STK39: variants seen among roughly 807,000 people sequenced by gnomAD.
STK39 encodes the protein STE20/SPS1-related proline-alanine-rich protein kinase.
STK39 carries 20 observed loss-of-function variants against 77.8 expected under a neutral mutation model. The observed-to-expected ratio is 0.26, with a 90% CI of 0.18 to 0.37. The LOEUF (loss-of-function observed/expected upper bound fraction) is 0.37. Among genes scored for constraint, STK39 ranks in the 10% least tolerant of loss-of-function variants. The pLI is 1.00. For synonymous variants in STK39, 246 were observed against 234.1 expected, an observed-to-expected ratio of 1.05 and a Z score of -0.47; for missense variants, 479 against 656.5, an observed-to-expected ratio of 0.73 and a Z score of 2.95.
chr2:168,113,661 G>T (rs1687178795), intron 10 of STK39, among the ~76,000 whole-genome samples: 1 of 152,152 alleles, frequency 6.6e-6, no homozygotes, highest in Non-Finnish European at 1.5e-5. Flanking sequence ...AAGGAGACAA[G>T]ACACAGAGGC....
chr2:168,154,656 A>G (rs1016342932), intron 5 of STK39, among the ~76,000 whole-genome samples: 1 of 151,940 alleles, frequency 6.6e-6, no homozygotes, highest in African/African-American at 2.4e-5. Context: ...TTCCCTTCAC[A>G]CTTAACACAT....
At chr2:168,023,289 T>C (rs571318578) in intron 14 of STK39, among the ~76,000 whole-genome samples, 118 of 152,118 alleles carry the variant, frequency 7.8e-4, no homozygotes, top group African/African-American at 2.6e-3. Context: ...CTATGTCTAT[T>C]TAACGTGAGA....
At chr2:168,237,054 G>A (rs186874455) in intron 1 of STK39, among the ~76,000 whole-genome samples, 296 of 152,056 alleles carry the variant, frequency 1.9e-3, no homozygotes, top group East Asian at 8.7e-3. Flanking sequence ...CCATTTTCAC[G>A]ATATTGATTC....
chr2:168,105,888 C>T (rs752371999), intron 10 of STK39, among the ~76,000 whole-genome samples: 13 of 152,194 alleles, frequency 8.5e-5, no homozygotes, highest in Non-Finnish European at 1.5e-4. Flanking sequence ...CCTTAAAGAA[C>T]AATGAGGGTT....
At chr2:168,038,169 G>C (rs1029645862) in intron 14 of STK39, among the ~76,000 whole-genome samples, 3 of 152,034 alleles carry the variant, frequency 2.0e-5, no homozygotes, top group Non-Finnish European at 1.5e-5. Context: ...ATGTAAACTT[G>C]GAGAAAGTGC....
At chr2:168,012,612 T>C (rs1270840228) in intron 16 of STK39, 22 bp downstream of exon 16, 2 of 1,607,392 alleles carry the variant, frequency 1.2e-6, no homozygotes, top group African/African-American at 1.3e-5. Flanking sequence ...AAAATGACAG[T>C]GCATACTAAA....
intron 1 of STK39, among the ~76,000 whole-genome samples, chr2:168,199,596 C>T (rs557311916): frequency 1.1e-4 from 16 of 151,222 alleles, no homozygotes; most frequent in Non-Finnish European, 2.4e-4. Context: ...GGCACGATCT[C>T]GGCTCACTGC....
chr2:168,195,651 C>T (rs1450878192), intron 1 of STK39, among the ~76,000 whole-genome samples: 4 of 152,220 alleles, frequency 2.6e-5, no homozygotes, highest in African/African-American at 4.8e-5. Flanking sequence ...CACTTTGTTA[C>T]ATGCCAAAGA....
chr2:168,047,953 A>G (rs1205878925), intron 14 of STK39, among the ~76,000 whole-genome samples: 1 of 152,208 alleles, frequency 6.6e-6, no homozygotes, highest in Admixed American at 6.5e-5. Flanking sequence ...TTGCTTAACT[A>G]CTTACCTCAC....
At chr2:167,986,172 G>C (rs1292578481) in intron 16 of STK39, among the ~76,000 whole-genome samples, 1 of 152,184 alleles carries the variant, frequency 6.6e-6, no homozygotes, top group African/African-American at 2.4e-5. Context: ...CAGGAACACT[G>C]ACTGCCCTTA....
intron 10 of STK39, among the ~76,000 whole-genome samples, chr2:168,091,758 T>A (rs895643179): frequency 6.6e-6 from 1 of 152,200 alleles, no homozygotes; most frequent in Non-Finnish European, 1.5e-5. Flanking sequence ...TTACTCACCT[T>A]CAACATTATC....
chr2:168,180,255 G>C (rs535337139), intron 2 of STK39, among the ~76,000 whole-genome samples: 3 of 152,248 alleles, frequency 2.0e-5, no homozygotes, highest in South Asian at 2.1e-4. Flanking sequence ...GCTAAAGCAG[G>C]AGAATCGCTT....
At chr2:167,980,833 T>A (rs939610898) in intron 16 of STK39, among the ~76,000 whole-genome samples, 6 of 151,992 alleles carry the variant, frequency 3.9e-5, no homozygotes, top group Admixed American at 2.0e-4. Flanking sequence ...CTTCTTTTTT[T>A]AAATCTGTAG....
chr2:168,158,241 T>C lies in STK39; in HGVS notation c.628+3546A>G, dbSNP rs114470942. ...GTTACACACACTGGACCTCTAAGCA[T>C]AGAAGGTACAGTAAGAAGGAAAGCA... On this transcript the variant is annotated intron_variant, in intron 5 of 17. Coordinates refer to ENST00000355999, the MANE Select transcript of STK39 (RefSeq NM_013233.3). Among the ~76,000 whole-genome samples the C allele has an allele frequency of 7.3e-3, 1,114 of 152,274 alleles. 14 individuals are homozygous for C. The highest frequency in any genetic ancestry group is 0.026 in the African/African-American group (1,065 of 41,550).
chr2:168,182,320 C>T (rs1351058898), intron 1 of STK39, among the ~76,000 whole-genome samples: 2 of 151,846 alleles, frequency 1.3e-5, no homozygotes, highest in Non-Finnish European at 2.9e-5. Flanking sequence ...ACACAGGGGA[C>T]AAGGGACATG....
At chr2:168,130,850 G>T (rs1004025501) in intron 8 of STK39, among the ~76,000 whole-genome samples, 3 of 152,190 alleles carry the variant, frequency 2.0e-5, no homozygotes, top group African/African-American at 7.2e-5. Context: ...GGGTTGCTCA[G>T]CAAGACAACT....
intron 1 of STK39, among the ~76,000 whole-genome samples, chr2:168,186,793 C>T (rs1689220404): frequency 6.6e-6 from 1 of 152,148 alleles, no homozygotes. Flanking sequence ...GTTTATATGG[C>T]ACCCAAGGGA....
chr2:168,167,779 T>C (rs961872779), intron 2 of STK39, among the ~76,000 whole-genome samples: 1 of 152,172 alleles, frequency 6.6e-6, no homozygotes, highest in African/African-American at 2.4e-5. Context: ...GGTGAGTTAC[T>C]AGGACACCTG....
At chr2:168,143,941 A>G (rs1363217768) in intron 5 of STK39, among the ~76,000 whole-genome samples, 2 of 152,186 alleles carry the variant, frequency 1.3e-5, no homozygotes, top group African/African-American at 4.8e-5. Context: ...CATGCTGAAC[A>G]GGTGCACCAG....
Sources: gnomAD v4.1 joint callset for allele counts (sites outside exome capture counted in the v4.1 genomes callset) on GRCh38, gnomAD v4.1.1 for gene constraint, MANE v1.5 for transcripts, NCBI Gene and HGNC (gene_info 2026-07-23, HGNC 2026-07-21) for gene names.